Variants in ARHGDIG observed in about 807,000 individuals in gnomAD.
The protein encoded by ARHGDIG is Rho GDP dissociation inhibitor gamma, also known as rho GDP-dissociation inhibitor 3.
A neutral mutation model predicts 20.2 loss-of-function variants in ARHGDIG; 14 were observed. That is an observed-to-expected ratio of 0.69 (90% CI 0.46 to 1.08). ARHGDIG has a LOEUF of 1.08. Among genes scored for constraint, ARHGDIG ranks in the 50% least tolerant of loss-of-function variants. The pLI, the probability that ARHGDIG is intolerant of heterozygous loss-of-function variation, is 0.00. For synonymous variants in ARHGDIG, 193 were observed against 138.6 expected, an observed-to-expected ratio of 1.39 and a Z score of -2.76; for missense variants, 311 against 301.8, an observed-to-expected ratio of 1.03 and a Z score of -0.23.
rs774696298 is a variant in ARHGDIG at position 282,754 on chromosome 16, C to T, written c.618C>T (p.Asp206=). Residue 206 remains aspartate, a synonymous_variant, in exon 6 of 6, where the codon GAC becomes GAT. Coordinates refer to ENST00000219409, the MANE Select transcript of ARHGDIG (RefSeq NM_001176.4). The stretch of plus-strand genomic sequence containing the variant: ...TGGTGTCCCTCTTCACCGACGATGA[C>T]AGGACGCACCACCTGTCCTGGGAGT... ...YLVVSLFTDD[D]RTHHLSWEWG... is the part of the protein sequence containing the mutation. 1.2e-6 allele frequency: 2 copies of T among 1,608,894 alleles called. No homozygotes were observed. The highest frequency in any genetic ancestry group is 2.2e-5 in the South Asian group (2 of 90,436).
intron 1 of ARHGDIG, chr16:281,508 G>A (rs1423261806): frequency 5.9e-6 from 3 of 508,370 alleles, no homozygotes; most frequent in Non-Finnish European, 1.0e-5. Context: ...TGGACATCTG[G>A]GCCAGAGGAG....
Position 281,790 on chromosome 16 carries a change from G to T in ARHGDIG, c.118G>T (p.Val40Leu), listed in dbSNP as rs1360009402. The T allele has an allele frequency of 6.2e-7, 1 of 1,610,824 alleles. No homozygotes were observed. The highest frequency in any genetic ancestry group is 1.7e-5 in the Admixed American group (1 of 59,908). Residue 40 changes from valine (V) to leucine (L), a missense_variant, in exon 2 of 6, where the codon GTG becomes TTG. Val to Leu is a conservative substitution (Grantham distance 32, BLOSUM62 1). Coordinates refer to ENST00000219409, the MANE Select transcript of ARHGDIG (RefSeq NM_001176.4). ...KEGGPPAVDE[V>L]LDEAVPEYRA... is the part of the protein sequence containing the mutation. The stretch of plus-strand genomic sequence containing the variant: ...GGGTGGGCCGCCGGCAGTGGACGAG[G>T]TGTTGGATGAGGCTGTGCCCGAGTA...
rs1004847941 is a variant in ARHGDIG, at chr16:282,059, G to A, written c.288G>A (p.Leu96=). Residue 96 remains leucine (L), a synonymous_variant, in exon 3 of 6, where the codon CTG becomes CTA. Transcript: ENST00000219409. ...TGCCCAATGTGCAGGTGACCAGGCT[G>A]ACACTCCTGTCGGAACAGGCTCCGG... ...PSLPNVQVTR[L]TLLSEQAPGP... 16 of 1,612,750 alleles carry A rather than the reference G, an allele frequency of 9.9e-6. No individual in the cohort carries two copies. Among genetic ancestry groups the A allele is most frequent in the Non-Finnish European group, 1.4e-5 (16 of 1,179,944 alleles).
At chr16:282,558 C>CGGGGGGGGGGAGGGGGG (rs61572786) in intron 5 of ARHGDIG, 28 bp downstream of exon 5, 8 of 1,313,270 alleles carry the variant, frequency 6.1e-6, no homozygotes, top group Admixed American at 5.0e-5. Flanking sequence ...GGGAACGGGG[C>CGGGGGGGGGGAGGGGGG]GGGGGGGGGA....
At chr16:282,273 C>G in intron 3 of ARHGDIG, 24 bp from the exon 4 acceptor site, 1 of 1,613,008 alleles carries the variant, frequency 6.2e-7, no homozygotes, top group Non-Finnish European at 8.5e-7. Context: ...GGAGTTCCGA[C>G]CCTAGCTGAG....
At position 280,890 on chromosome 16, in the gene ARHGDIG, TG is replaced by T; in HGVS notation, c.73+142del. On this transcript the variant is annotated intron_variant, in intron 1 of 5. Transcript: ENST00000219409. This position sits in a 1 kb window ranked among gnomAD's most constrained non-coding sequence, Gnocchi z 6.6. ...CCCCCCGGCTGGGGTCTGGCAGGGGTGGGGGACTTCATCCAGGCTCCAGCCC... is the reference window on the plus strand; with the variant it reads ...CCCCCCGGCTGGGGTCTGGCAGGGGTGGGGACTTCATCCAGGCTCCAGCCC... 1 of 381,888 alleles carries T rather than the reference TG, an allele frequency of 2.6e-6. No individual in the cohort carries two copies. 23.7% of individuals were successfully genotyped at this position (381,888 alleles called of 1,614,324 possible). A position where few individuals can be genotyped will look rare whatever the true frequency, so the allele number is the denominator to read the frequency against.
At chr16:281,405 C>T (rs1249287225) in intron 1 of ARHGDIG, 2 of 237,286 alleles carry the variant, frequency 8.4e-6, no homozygotes, top group African/African-American at 4.8e-5. Flanking sequence ...AGGGCCGCTG[C>T]TCTCTAGCAG....
intron 3 of ARHGDIG, 36 bp from the exon 4 acceptor site, chr16:282,261 G>A: frequency 1.2e-6 from 2 of 1,612,216 alleles, no homozygotes; most frequent in Non-Finnish European, 1.7e-6. Context: ...TCAGCCTGTA[G>A]GGGAGTTCCG....
In ARHGDIG at chr16:282,775, G is replaced by A; in HGVS notation, c.639G>A (p.Trp213Ter). 2 of 1,608,880 alleles carry A rather than the reference G, an allele frequency of 1.2e-6. No homozygotes were observed. The highest frequency in any genetic ancestry group is 1.7e-6 in the Non-Finnish European group (2 of 1,178,674). The change falls in exon 6 of 6, where the codon TGG becomes TGA. Residue 213 changes from tryptophan (W) to a stop codon, truncating the protein, a stop_gained. Coordinates refer to ENST00000219409, the MANE Select transcript of ARHGDIG (RefSeq NM_001176.4). LOFTEE classifies it high-confidence loss of function. ...ATGACAGGACGCACCACCTGTCCTGGGAGTGGGGTCTCTGCATCTGCCAGG... is the reference window on the plus strand; with the variant it reads ...ATGACAGGACGCACCACCTGTCCTGAGAGTGGGGTCTCTGCATCTGCCAGG... ...TDDDRTHHLSWEWGLCICQDW... is the reference protein window; with the variant it reads ...TDDDRTHHLS
chr16:282,129 C>T (rs1486185072), intron 3 of ARHGDIG, 21 bp downstream of exon 3: 2 of 1,612,474 alleles, frequency 1.2e-6, no homozygotes, highest in Middle Eastern at 1.7e-4. Context: ...GGATGCTGCA[C>T]CCTGAACACA....
In ARHGDIG at chr16:280,864, AC is replaced by A. The variant is rs112624365; in HGVS notation, c.73+117del. 19 of 598,920 alleles carry A rather than the reference AC, an allele frequency of 3.2e-5. No individual in the cohort carries two copies. The highest frequency in any genetic ancestry group is 7.2e-5 in the East Asian group (1 of 13,930). The allele number at this position is 598,920 out of a possible 1,614,324, so 37.1% of individuals were successfully genotyped here. On this transcript the variant is annotated intron_variant, in intron 1 of 5. Coordinates refer to ENST00000219409, the MANE Select transcript of ARHGDIG (RefSeq NM_001176.4). The surrounding 1 kb of genome is among the most constrained non-coding windows in gnomAD (Gnocchi z 6.6). ...CGCGCATGGGGACCTCGCGGCGCCG[AC>A]CCCCCGGCTGGGGTCTGGCAGGGGT...
At chr16:281,460 C>T (rs1201189030) in intron 1 of ARHGDIG, 4 of 404,638 alleles carry the variant, frequency 9.9e-6, no homozygotes, top group African/African-American at 2.0e-5. Flanking sequence ...TCTTCGCTCC[C>T]CCGCCCTTTG....
In ARHGDIG at chr16:280,816, CT is replaced by C. The variant is rs2052275435; in HGVS notation, c.73+64del. The C allele has an allele frequency of 8.7e-7, 1 of 1,155,100 alleles. No individual in the cohort carries two copies. The highest frequency in any genetic ancestry group is 1.1e-6 in the Non-Finnish European group (1 of 918,814). The allele number at this position is 1,155,100 out of a possible 1,614,324, so 71.6% of individuals were successfully genotyped here. On this transcript the variant is annotated intron_variant, in intron 1 of 5. Coordinates refer to ENST00000219409, the MANE Select transcript of ARHGDIG (RefSeq NM_001176.4). This position sits in a 1 kb window ranked among gnomAD's most constrained non-coding sequence, Gnocchi z 6.6. ...CTCAGCCCCGGGCGGGGAGTAGCCCCTCCCCCGCGGCAACTTTGGGGGCGCG... is the reference window on the plus strand; with the variant it reads ...CTCAGCCCCGGGCGGGGAGTAGCCCCCCCCCGCGGCAACTTTGGGGGCGCG...
chr16:281,895 G>A lies in ARHGDIG; in HGVS notation c.223G>A (p.Val75Met). 6.2e-7 allele frequency: 1 copy of A among 1,608,328 alleles called. No homozygotes were observed. The highest frequency in any genetic ancestry group is 1.1e-5 in the South Asian group (1 of 91,042). Residue 75 changes from valine (V) to methionine (M), a missense_variant, in exon 2 of 6, where the codon GTG (valine) becomes ATG (methionine). Val to Met is a conservative substitution (Grantham distance 21). Transcript: ENST00000219409. ...DDRSLAKYKR[V>M]LLGPLPPAVD... ...CAGGAGCCTGGCCAAGTACAAGCGG[G>A]TGCTGCTGGGGCCCCTGCCACCGGC...
At position 280,708 on chromosome 16, in the gene ARHGDIG, G is replaced by A. The variant is rs1448378087; in HGVS notation, c.28G>A (p.Gly10Arg). ...GCTGGGCCTGGACGCGTGCGAGCTG[G>A]GGGCGCAGCTGCTGGAGCTGCTCCG... MLGLDACEL[G>R]AQLLELLRLA... The change falls in exon 1 of 6, where the codon GGG becomes AGG. Residue 10 changes from glycine (G) to arginine (R), a missense_variant. Coordinates refer to ENST00000219409, the MANE Select transcript of ARHGDIG (RefSeq NM_001176.4). This position sits in a 1 kb window ranked among gnomAD's most constrained non-coding sequence, Gnocchi z 6.6. The A allele has an allele frequency of 1.6e-6, 2 of 1,267,238 alleles. No homozygotes were observed. Among genetic ancestry groups the A allele is most frequent in the Non-Finnish European group, 2.0e-6 (2 of 1,001,086 alleles). 78.5% of individuals were successfully genotyped at this position (1,267,238 alleles called of 1,614,324 possible).
Position 282,597 on chromosome 16 carries a change from T to TGCCCTC in ARHGDIG, c.479-11_479-6dup. On this transcript the variant is annotated splice_polypyrimidine_tract_variant and intron_variant, in intron 5 of 5. Transcript: ENST00000219409. ...GGGGGCAGACAGAGGACAGCTCTGA[T>TGCCCTC]GCCCTCGCCCTCCCTAGTGGACAAG... 2 of 1,579,610 alleles carry TGCCCTC rather than the reference T, an allele frequency of 1.3e-6. No individual in the cohort carries two copies. The highest frequency in any genetic ancestry group is 1.7e-6 in the Non-Finnish European group (2 of 1,163,416).
intron 5 of ARHGDIG, 28 bp downstream of exon 5, chr16:282,558 C>CGGGGGGGGGAGGGGGG (rs2052298974): frequency 3.0e-5 from 39 of 1,313,300 alleles, no homozygotes; most frequent in African/African-American, 1.7e-4. Flanking sequence ...GGGAACGGGG[C>CGGGGGGGGGAGGGGGG]GGGGGGGGGA....
intron 5 of ARHGDIG, 28 bp downstream of exon 5, chr16:282,558 C>CGGGGGGGGGGGGCAAGGGGG: frequency 7.6e-7 from 1 of 1,310,078 alleles, no homozygotes; most frequent in Admixed American, 2.5e-5. Flanking sequence ...GGGAACGGGG[C>CGGGGGGGGGGGGCAAGGGGG]GGGGGGGGGA....
At chr16:282,192 C>T (rs1031598718) in intron 3 of ARHGDIG, 84 bp downstream of exon 3, 6 of 1,604,556 alleles carry the variant, frequency 3.7e-6, no homozygotes, top group Admixed American at 1.7e-5. Context: ...AGCCCTGGGC[C>T]ATCACAGTCG....
Sources: allele counts gnomAD v4.1 joint callset, GRCh38; gene constraint gnomAD v4.1.1; non-coding constraint Gnocchi (gnomAD v3.1); transcripts MANE v1.5; gene names NCBI Gene and HGNC (gene_info 2026-07-23, HGNC 2026-07-21).